Variants in ANXA8 observed in about 807,000 individuals in gnomAD.
ANXA8 encodes the protein VAC-beta.
A neutral mutation model predicts 26.8 loss-of-function variants in ANXA8; 9 were observed. The ratio of observed to expected loss-of-function variants is 0.34; its 90% confidence interval spans 0.20 to 0.59. ANXA8 has a LOEUF of 0.59. Ranked by LOEUF, ANXA8 falls within the 20% of genes least tolerant of loss-of-function variation. The probability of loss-of-function intolerance (pLI) is 0.84; values close to 1 mark genes in which losing one functional copy is unlikely to be tolerated. For synonymous variants in ANXA8, 39 were observed against 94.8 expected (o/e 0.41, Z 3.42); for missense variants, 83 against 238.5 (o/e 0.35, Z 4.29).
At chr10:47,643,524 A>G in the ANXA8 span, among the ~76,000 whole-genome samples, 2 of 147,420 alleles carry the variant, frequency 1.4e-5, no homozygotes, top group African/African-American at 5.3e-5. Context: ...GCGAGACTCC[A>G]TAAAAATCAA....
At chr10:47,953,536 A>C in the ANXA8 span, among the ~76,000 whole-genome samples, 4 of 150,802 alleles carry the variant, frequency 2.7e-5, no homozygotes, top group Non-Finnish European at 4.4e-5. Context: ...TTAAATATAT[A>C]CTTACTATAC....
the ANXA8 span, among the ~76,000 whole-genome samples, chr10:47,583,689 T>G: frequency 1.4e-5 from 2 of 145,320 alleles, no homozygotes; most frequent in Non-Finnish European, 3.0e-5. Context: ...GAAAAGAAAT[T>G]TACAGGAGCC....
At chr10:47,502,673 T>C in the ANXA8 span, 7 of 1,608,290 alleles carry the variant, frequency 4.4e-6, no homozygotes, top group South Asian at 7.7e-5. Flanking sequence ...CACTTAGGAT[T>C]CTGGGTCTCA....
chr10:47,747,161 GC>G, the ANXA8 span, among the ~76,000 whole-genome samples: 1 of 151,164 alleles, frequency 6.6e-6, no homozygotes, highest in Non-Finnish European at 1.5e-5. Flanking sequence ...TAGCTAAGAG[GC>G]CGAGCATTTG....
At chr10:47,622,093 A>G in the ANXA8 span, among the ~76,000 whole-genome samples, 25 of 112,346 alleles carry the variant, frequency 2.2e-4, no homozygotes, top group Non-Finnish European at 4.9e-4. Context: ...TTATAAAGAA[A>G]AAGTTTGCTT....
the ANXA8 span, chr10:47,599,542 A>G: frequency 4.8e-5 from 7 of 146,758 alleles, no homozygotes; most frequent in Non-Finnish European, 1.0e-4. Context: ...AAAAGATTTG[A>G]CAAAAACTAG....
chr10:47,654,432 A>C, the ANXA8 span, among the ~76,000 whole-genome samples: 2 of 144,722 alleles, frequency 1.4e-5, no homozygotes, highest in Admixed American at 1.4e-4. Flanking sequence ...TCATGGGGGA[A>C]TATCAGCTCT....
the ANXA8 span, chr10:47,490,213 TA>T: frequency 5.7e-6 from 1 of 176,228 alleles, no homozygotes; most frequent in African/African-American, 2.4e-5. Flanking sequence ...CAGAGTTTTT[TA>T]AAGTGTGGGT....
At chr10:47,733,163 T>TTCTC in the ANXA8 span, among the ~76,000 whole-genome samples, 6 of 97,950 alleles carry the variant, frequency 6.1e-5, no homozygotes, top group Non-Finnish European at 1.4e-4. Context: ...CTTTCTTTCT[T>TTCTC]TCTTTCTTTC....
chr10:47,733,168 TC>T, the ANXA8 span, among the ~76,000 whole-genome samples: 1 of 100,942 alleles, frequency 9.9e-6, no homozygotes, highest in South Asian at 4.1e-4. Context: ...TTTCTTTCTT[TC>T]TTTCTTTCTT....
At chr10:47,628,180 A>G in the ANXA8 span, among the ~76,000 whole-genome samples, 5 of 150,882 alleles carry the variant, frequency 3.3e-5, no homozygotes, top group Non-Finnish European at 7.4e-5. Flanking sequence ...TGGGGACAGA[A>G]GTACAATTTT....
chr10:47,916,620 A>T, the ANXA8 span, among the ~76,000 whole-genome samples: 1 of 135,474 alleles, frequency 7.4e-6, no homozygotes, highest in African/African-American at 2.5e-5. Context: ...CCAGTTAGGC[A>T]TGAGGATGGA....
chr10:47,959,832 G>A, the ANXA8 span, among the ~76,000 whole-genome samples: 3 of 150,930 alleles, frequency 2.0e-5, no homozygotes, highest in South Asian at 2.1e-4. Flanking sequence ...GGCATATGGT[G>A]CTGTGCCCGC....
chr10:47,561,529 T>G, the ANXA8 span, among the ~76,000 whole-genome samples: 2 of 151,874 alleles, frequency 1.3e-5, no homozygotes, highest in African/African-American at 4.8e-5. Flanking sequence ...ATCACCCCCA[T>G]CCCCAATGTT....
At chr10:47,474,667 G>A (rs1371517003) in intron 7 of ANXA8, among the ~76,000 whole-genome samples, 5 of 79,598 alleles carry the variant, frequency 6.3e-5, no homozygotes, top group South Asian at 5.4e-4. Context: ...ACAGAGACCC[G>A]GACACCTGTG....
chr10:47,469,250 C>A (rs1839229000), intron 11 of ANXA8, among the ~76,000 whole-genome samples: 1 of 148,692 alleles, frequency 6.7e-6, no homozygotes, highest in South Asian at 2.1e-4. Flanking sequence ...CAACAGGATG[C>A]ATCATTATTC....
chr10:47,733,171 T>TTCTCTCTCTCTCTCTC, the ANXA8 span, among the ~76,000 whole-genome samples: 1 of 100,814 alleles, frequency 9.9e-6, no homozygotes, highest in Admixed American at 1.1e-4. Flanking sequence ...CTTTCTTTCT[T>TTCTCTCTCTCTCTCTC]TCTTTCTTTC....
At chr10:47,743,295 C>CAT in the ANXA8 span, among the ~76,000 whole-genome samples, 6 of 69,112 alleles carry the variant, frequency 8.7e-5, no homozygotes, top group East Asian at 3.0e-3. Flanking sequence ...TATATATATA[C>CAT]ACATATATAT....
chr10:47,730,853 T>C, the ANXA8 span, among the ~76,000 whole-genome samples: 26,576 of 130,132 alleles, frequency 0.2, 4 homozygotes, highest in South Asian at 0.31. Flanking sequence ...TGAAATCATT[T>C]CCTTGATTAT....
Sources: allele counts gnomAD v4.1 joint callset (sites outside exome capture counted in the v4.1 genomes callset), GRCh38; gene constraint gnomAD v4.1.1; transcripts MANE v1.5; gene names NCBI Gene and HGNC (gene_info 2026-07-23, HGNC 2026-07-21).